Variants in SCARA5 observed in about 807,000 individuals in gnomAD.
SCARA5 encodes scavenger receptor class A, member 5 (putative).
A neutral mutation model predicts 46.3 loss-of-function variants in SCARA5; 45 were observed. The ratio of observed to expected loss-of-function variants is 0.97; its 90% CI spans 0.76 to 1.24. The LOEUF is 1.24. Ranked by LOEUF, SCARA5 falls within the 50% of genes most tolerant of loss-of-function variation. The pLI, the probability that SCARA5 is intolerant of heterozygous loss-of-function variation, is 0.00. For missense variants in SCARA5, 680 were observed against 689.0 expected (o/e 0.99, Z 0.15); for synonymous variants, 333 against 306.5 (o/e 1.09, Z -0.90).
At chr8:27,983,162 AG>A (rs1808650172) in intron 2 of SCARA5, among the ~76,000 whole-genome samples, 1 of 152,206 alleles carries the variant, frequency 6.6e-6, no homozygotes, top group South Asian at 2.1e-4. Flanking sequence ...GGGACTCCTC[AG>A]CACTTCTGCC....
chr8:27,902,943 G>A (rs1319887913), intron 7 of SCARA5, among the ~76,000 whole-genome samples: 1 of 152,184 alleles, frequency 6.6e-6, no homozygotes, highest in Non-Finnish European at 1.5e-5. Flanking sequence ...GGGGGGTCCA[G>A]GATCAGCCTG....
At position 27,909,632 on chromosome 8, in the gene SCARA5, C is replaced by T. The variant is rs748770402; in HGVS notation, c.997+31G>A. 3.5e-6 allele frequency: 5 copies of T among 1,449,102 alleles called. No individual in the cohort carries two copies. In the South Asian group the frequency reaches 6.1e-5, roughly 18 times the overall value. 89.8% of individuals were successfully genotyped at this position (1,449,102 alleles called of 1,614,324 possible). A position where few individuals can be genotyped will look rare whatever the true frequency, so the allele number is the denominator to read the frequency against. On this transcript the variant is annotated intron_variant, in intron 5 of 8. Coordinates refer to ENST00000354914, the MANE Select transcript of SCARA5 (RefSeq NM_173833.6). ...GGGTAGAGATGGATTGGGGATCTCT[C>T]CCAGGTACCACCCAGGGGCACGCTC...
Position 27,984,775 on chromosome 8 carries a change from TCATTCATCCATCCATTCACC to T in SCARA5, c.112+2709_112+2728del, listed in dbSNP as rs1380668185. 4.6e-5 allele frequency among the ~76,000 whole-genome samples: 7 copies of T among 152,196 alleles called. No individual in the cohort carries two copies. In the East Asian group the frequency reaches 9.6e-4, roughly 21 times the overall value. Reference sequence around the variant, plus strand: ...TTCATTCATTCACATATCCATTCATTCATTCATCCATCCATTCACCCATTCATCCATCCATTCATCCATCC... The same window carrying T: ...TTCATTCATTCACATATCCATTCATTCATTCATCCATCCATTCATCCATCC... On this transcript the variant is annotated intron_variant, in intron 2 of 8. Coordinates refer to ENST00000354914, the MANE Select transcript of SCARA5 (RefSeq NM_173833.6).
chr8:27,954,847 C>T (rs1808182560), intron 3 of SCARA5, among the ~76,000 whole-genome samples: 1 of 152,230 alleles, frequency 6.6e-6, no homozygotes, highest in Non-Finnish European at 1.5e-5. Context: ...GGTAAATAAG[C>T]AATGCCTTTC....
In SCARA5 at chr8:27,870,602, TG is replaced by T. The variant is rs2129644048; in HGVS notation, c.*1331del. ...AAGGTGAGGTGGGTCTGCACTCACT[TG>T]CTACCAGGTAGCTCCCCTAGTTCTT... On this transcript the variant is annotated 3_prime_UTR_variant, in exon 9 of 9. Coordinates refer to ENST00000354914, the MANE Select transcript of SCARA5 (RefSeq NM_173833.6). The T allele has an allele frequency of 6.6e-6, 1 of 152,290 alleles. No homozygotes were observed. The highest frequency in any genetic ancestry group is 2.4e-5 in the African/African-American group (1 of 41,538). The allele number at this position is 152,290 out of a possible 1,614,324, so 9.4% of individuals were successfully genotyped here. A position where few individuals can be genotyped will look rare whatever the true frequency, so the allele number is the denominator to read the frequency against.
intron 7 of SCARA5, among the ~76,000 whole-genome samples, chr8:27,895,866 A>T (rs1807057054): frequency 2.0e-5 from 3 of 152,170 alleles, no homozygotes; most frequent in South Asian, 4.1e-4. Flanking sequence ...GGAAACTGGA[A>T]GTTTGCTCTG....
At chr8:27,875,357 G>T (rs1292724954) in intron 8 of SCARA5, among the ~76,000 whole-genome samples, 1 of 152,164 alleles carries the variant, frequency 6.6e-6, no homozygotes, top group Admixed American at 6.5e-5. Context: ...ATGTTTCCAT[G>T]TATCGCAGGG....
At chr8:27,932,962 C>A (rs1375078784) in intron 3 of SCARA5, among the ~76,000 whole-genome samples, 1 of 152,348 alleles carries the variant, frequency 6.6e-6, no homozygotes, top group East Asian at 1.9e-4. Context: ...GACAGCAGTC[C>A]TATGGGATCA....
chr8:27,877,159 G>A (rs925808516), intron 8 of SCARA5, among the ~76,000 whole-genome samples: 6 of 152,076 alleles, frequency 3.9e-5, no homozygotes, highest in Non-Finnish European at 7.4e-5. Flanking sequence ...GTGCAGCCTG[G>A]GCTGGCAGAA....
intron 3 of SCARA5, among the ~76,000 whole-genome samples, chr8:27,937,628 A>C (rs1807879192): frequency 6.6e-6 from 1 of 152,102 alleles, no homozygotes; most frequent in Non-Finnish European, 1.5e-5. Flanking sequence ...CGCCATCACA[A>C]AATACCACAG....
At chr8:27,983,891 C>T (rs540818273) in intron 2 of SCARA5, among the ~76,000 whole-genome samples, 1 of 152,290 alleles carries the variant, frequency 6.6e-6, no homozygotes, top group East Asian at 1.9e-4. Flanking sequence ...ATCCCCATGG[C>T]CAGCCTCCAA....
intron 3 of SCARA5, among the ~76,000 whole-genome samples, chr8:27,938,639 T>G (rs975259746): frequency 6.6e-6 from 1 of 152,220 alleles, no homozygotes; most frequent in Admixed American, 6.5e-5. Flanking sequence ...AGCCTCTGCC[T>G]ACAATGAATC....
chr8:27,889,484 G>A (rs1175289765), intron 7 of SCARA5, among the ~76,000 whole-genome samples: 1 of 152,150 alleles, frequency 6.6e-6, no homozygotes. Context: ...AAGTCATCCC[G>A]TAGCTAGCAG....
Position 27,930,564 on chromosome 8 carries a change from G to A in SCARA5, c.242-8319C>T, listed in dbSNP as rs189219406. Among the ~76,000 whole-genome samples, 641 of 152,074 alleles carry A rather than the reference G, an allele frequency of 4.2e-3. 6 individuals carry two copies. Among genetic ancestry groups the A allele is most frequent in the African/African-American group, 0.014 (592 of 41,486 alleles). ...ATTACAGGCATGCGCCACCATGCCCGGCTAATTTTGTATTTTTAGTAGAGA... is the reference window on the plus strand; with the variant it reads ...ATTACAGGCATGCGCCACCATGCCCAGCTAATTTTGTATTTTTAGTAGAGA... On this transcript the variant is annotated intron_variant, in intron 3 of 8. Coordinates refer to ENST00000354914, the MANE Select transcript of SCARA5 (RefSeq NM_173833.6).
intron 7 of SCARA5, among the ~76,000 whole-genome samples, chr8:27,884,871 T>C (rs951853002): frequency 6.6e-6 from 1 of 152,036 alleles, no homozygotes; most frequent in Non-Finnish European, 1.5e-5. Context: ...CAAGCGGTGA[T>C]AAGAGCATAG....
At chr8:27,886,687 G>A (rs1806901460) in intron 7 of SCARA5, among the ~76,000 whole-genome samples, 1 of 152,170 alleles carries the variant, frequency 6.6e-6, no homozygotes, top group South Asian at 2.1e-4. Flanking sequence ...GCCTGAGAAG[G>A]ACGTCATCAT....
chr8:27,949,793 G>C (rs75832202), intron 3 of SCARA5, among the ~76,000 whole-genome samples: 1,949 of 152,336 alleles, frequency 0.013, 20 homozygotes, highest in Non-Finnish European at 0.021. Flanking sequence ...CAGCCTGCCC[G>C]GGTGCAGAAG....
intron 7 of SCARA5, among the ~76,000 whole-genome samples, chr8:27,897,556 G>T (rs1807084497): frequency 6.6e-6 from 1 of 152,222 alleles, no homozygotes; most frequent in Admixed American, 6.5e-5. Flanking sequence ...TTCTTGCAGG[G>T]CAAACCCCCA....
chr8:27,938,157 T>C (rs1807886762), intron 3 of SCARA5, among the ~76,000 whole-genome samples: 1 of 152,114 alleles, frequency 6.6e-6, no homozygotes, highest in Non-Finnish European at 1.5e-5. Context: ...GCCCAGGCCA[T>C]GGGGTGCTTC....
Sources: allele counts gnomAD v4.1 joint callset (sites outside exome capture counted in the v4.1 genomes callset), GRCh38; gene constraint gnomAD v4.1.1; transcripts MANE v1.5; gene names NCBI Gene and HGNC (gene_info 2026-07-23, HGNC 2026-07-21).